Variants in FSD2 observed in about 807,000 individuals in gnomAD.
The protein encoded by FSD2 is fibronectin type III and SPRY domain containing 2, also known as fibronectin type III and SPRY domain-containing protein 2.
A neutral mutation model predicts 80.4 loss-of-function variants in FSD2; 71 were observed. The observed-to-expected ratio is 0.88, with a 90% CI of 0.73 to 1.08. The LOEUF (loss-of-function observed/expected upper bound fraction) is 1.08, where lower values mean the gene tolerates loss of function less well. Among genes scored for constraint, FSD2 ranks in the 50% least tolerant of loss-of-function variants. The pLI is 0.00. For missense variants in FSD2, 923 were observed against 913.8 expected (o/e 1.01, Z -0.13); for synonymous variants, 361 against 329.5 (o/e 1.10, Z -1.03).
intron 3 of FSD2, among the ~76,000 whole-genome samples, chr15:82,783,843 A>G (rs2049932211): frequency 6.6e-6 from 1 of 152,216 alleles, no homozygotes; most frequent in African/African-American, 2.4e-5. Context: ...AGGAGGAACA[A>G]GGGTTGTGGT....
intron 3 of FSD2, among the ~76,000 whole-genome samples, chr15:82,783,555 A>T (rs2049923155): frequency 6.6e-6 from 1 of 152,182 alleles, no homozygotes; most frequent in African/African-American, 2.4e-5. Flanking sequence ...ATCTAAACAA[A>T]AGCACTGCTT....
intron 12 of FSD2, among the ~76,000 whole-genome samples, chr15:82,760,469 TTG>T (rs1223579027): frequency 1.3e-5 from 2 of 152,312 alleles, no homozygotes; most frequent in East Asian, 3.9e-4. Flanking sequence ...GAAGAGCTCT[TTG>T]TGTCAACAGG....
At chr15:82,787,580 C>T (rs1883847926) in intron 1 of FSD2, 112 bp from the exon 2 acceptor site, 1 of 500,682 alleles carries the variant, frequency 2.0e-6, no homozygotes, top group African/African-American at 2.0e-5. Context: ...CTGTGTAGTT[C>T]AGTCGTGGTT....
chr15:82,761,008 C>T, intron 12 of FSD2, among the ~76,000 whole-genome samples: 1 of 152,202 alleles, frequency 6.6e-6, no homozygotes, highest in East Asian at 1.9e-4. Context: ...AATAAAGTAT[C>T]TGCCTCAGTG....
intron 1 of FSD2, 91 bp from the exon 2 acceptor site, chr15:82,787,559 A>T (rs2050033169): frequency 5.1e-6 from 3 of 585,628 alleles, no homozygotes; most frequent in Non-Finnish European, 8.4e-6. Context: ...ATAAAACTTT[A>T]AAAAAATTAT....
At chr15:82,797,952 G>A (rs2050317841) in intron 1 of FSD2, among the ~76,000 whole-genome samples, 1 of 152,112 alleles carries the variant, frequency 6.6e-6, no homozygotes, top group South Asian at 2.1e-4. Context: ...ATGGTCCCAG[G>A]AGAACAAGAG....
At chr15:82,785,050 A>C in intron 3 of FSD2, among the ~76,000 whole-genome samples, 1 of 152,216 alleles carries the variant, frequency 6.6e-6, no homozygotes, top group Non-Finnish European at 1.5e-5. Context: ...GAACCGTGAA[A>C]GAGGAGCTAG....
At chr15:82,790,669 G>A (rs983346218) in intron 1 of FSD2, among the ~76,000 whole-genome samples, 6 of 151,788 alleles carry the variant, frequency 4.0e-5, no homozygotes, top group East Asian at 3.9e-4. Context: ...TCCGCCTCCC[G>A]GGTTCACGCC....
At chr15:82,791,220 G>T (rs1020859626) in intron 1 of FSD2, among the ~76,000 whole-genome samples, 4 of 151,588 alleles carry the variant, frequency 2.6e-5, no homozygotes, top group Non-Finnish European at 4.4e-5. Context: ...GGATGGTCTC[G>T]ATCTCCTGAC....
At chr15:82,784,979 G>T (rs1225244210) in intron 3 of FSD2, among the ~76,000 whole-genome samples, 1 of 152,186 alleles carries the variant, frequency 6.6e-6, no homozygotes, top group Non-Finnish European at 1.5e-5. Flanking sequence ...ATAGATATCA[G>T]CTGAGGAAAA....
rs147610859 is a variant in FSD2 at position 82,792,284 on chromosome 15, A to T, written c.-78-4816T>A. ...CACATTCTTGTCAGCACTTGTTATTATCTGACTGTTTGATTACAGTCATCC... is the reference window on the plus strand; with the variant it reads ...CACATTCTTGTCAGCACTTGTTATTTTCTGACTGTTTGATTACAGTCATCC... On this transcript the variant is annotated intron_variant, in intron 1 of 12. Coordinates refer to ENST00000334574, the MANE Select transcript of FSD2 (RefSeq NM_001007122.4). 2.0e-5 allele frequency among the ~76,000 whole-genome samples: 3 copies of T among 152,326 alleles called. No individual in the cohort carries two copies. In the East Asian group the frequency reaches 5.8e-4, roughly 29 times the overall value.
In FSD2 at chr15:82,762,290, A is replaced by G; in HGVS notation, c.1821-12T>C. 2 of 1,611,742 alleles carry G rather than the reference A, an allele frequency of 1.2e-6. No homozygotes were observed. Among genetic ancestry groups the G allele is most frequent in the Non-Finnish European group, 1.7e-6 (2 of 1,178,736 alleles). On this transcript the variant is annotated splice_polypyrimidine_tract_variant and intron_variant, in intron 11 of 12. Transcript: ENST00000334574. ...TGACAGCAACACACCTGGTTTTAGA[A>G]AGTGGAAGCATGTGTGATCTGGGGT...
At chr15:82,774,216 G>C (rs2049658417) in intron 6 of FSD2, among the ~76,000 whole-genome samples, 2 of 152,098 alleles carry the variant, frequency 1.3e-5, no homozygotes, top group Non-Finnish European at 2.9e-5. Context: ...GGGGCTATAG[G>C]TGTACGGTGC....
chr15:82,776,187 T>C (rs919520005), intron 6 of FSD2, among the ~76,000 whole-genome samples: 50 of 152,288 alleles, frequency 3.3e-4, no homozygotes, highest in African/African-American at 1.2e-3. Context: ...CTTGGAAGGC[T>C]GAGGCAGGAG....
intron 9 of FSD2, 81 bp downstream of exon 9, chr15:82,768,798 TC>T (rs1467736085): frequency 8.0e-7 from 1 of 1,247,208 alleles, no homozygotes; most frequent in Non-Finnish European, 1.0e-6. Flanking sequence ...AACCTTCTCT[TC>T]AGACTCCGTA....
rs909714165 is a variant in FSD2 at position 82,758,944 on chromosome 15, T to C, written c.*404A>G. ...ACAGACAGCCTCTCGCCTTCTCAAG[T>C]GTATTCTTGGCTGACTCATGAAATG... On this transcript the variant is annotated 3_prime_UTR_variant, in exon 13 of 13. Transcript: ENST00000334574. The C allele has an allele frequency of 5.6e-6, 1 of 178,370 alleles. No individual in the cohort carries two copies. Among genetic ancestry groups the C allele is most frequent in the Non-Finnish European group, 1.2e-5 (1 of 83,748 alleles). The allele number at this position is 178,370 out of a possible 1,614,324, so 11.0% of individuals were successfully genotyped here. A position where few individuals can be genotyped will look rare whatever the true frequency, so the allele number is the denominator to read the frequency against.
chr15:82,778,342 G>C (rs544321813), intron 6 of FSD2, among the ~76,000 whole-genome samples: 42 of 151,818 alleles, frequency 2.8e-4, no homozygotes, highest in African/African-American at 9.7e-4. Context: ...TATACATATG[G>C]AATATTATTC....
At chr15:82,801,511 C>G (rs1245041090) in intron 1 of FSD2, among the ~76,000 whole-genome samples, 1 of 152,168 alleles carries the variant, frequency 6.6e-6, no homozygotes, top group Non-Finnish European at 1.5e-5. Flanking sequence ...GGGACCTTCT[C>G]TCTTCTCCTC....
At chr15:82,766,606 G>T (rs1343118656) in intron 9 of FSD2, among the ~76,000 whole-genome samples, 2 of 152,012 alleles carry the variant, frequency 1.3e-5, no homozygotes, top group Admixed American at 6.5e-5. Context: ...ACCGAGTGTG[G>T]TGGCAGGTGC....
Sources: allele counts gnomAD v4.1 joint callset (sites outside exome capture counted in the v4.1 genomes callset), GRCh38; gene constraint gnomAD v4.1.1; transcripts MANE v1.5; gene names NCBI Gene and HGNC (gene_info 2026-07-23, HGNC 2026-07-21).